The following SLC4A5 variants were observed in gnomAD, a reference collection of about 807,000 sequenced individuals.
SLC4A5 encodes the protein solute carrier family 4 member 5.
SLC4A5 carries 96 observed loss-of-function variants against 120.4 expected under a neutral mutation model. That is an observed-to-expected ratio of 0.80 (90% confidence interval 0.68 to 0.94). The LOEUF is 0.94. SLC4A5 is among the 40% of genes least tolerant of loss of function. SLC4A5 has a pLI of 0.00. For missense variants in SLC4A5, 1,259 were observed against 1,459.5 expected (o/e 0.86, Z 2.24); for synonymous variants, 550 against 571.1 (o/e 0.96, Z 0.53).
At position 74,255,904 on chromosome 2, in the gene SLC4A5, G is replaced by A. The variant is rs778599417; in HGVS notation, c.896C>T (p.Pro299Leu). ...CACGTTGGACGCTTCTGAGTCCTTG[G>A]GGATCTTCTTCATGAATTTGTTTTT... is the stretch of plus-strand genomic sequence containing the variant. Residue 299 changes from proline (P) to leucine (L), a missense_variant, in exon 13 of 31, where the codon CCC becomes CTC. Coordinates refer to ENST00000394019, the Ensembl canonical transcript of SLC4A5. The surrounding 1 kb of genome is among the most constrained non-coding windows in gnomAD (Gnocchi z 4.0). The A allele has an allele frequency of 1.2e-6, 2 of 1,613,910 alleles. No individual in the cohort carries two copies. Among genetic ancestry groups the A allele is most frequent in the East Asian group, 2.2e-5 (1 of 44,864 alleles).
chr2:74,337,900 C>T (rs1673534778), intron 3 of SLC4A5, among the ~76,000 whole-genome samples: 2 of 152,078 alleles, frequency 1.3e-5, no homozygotes, highest in South Asian at 4.1e-4. Flanking sequence ...GAGAGTGATC[C>T]CATGGGTGGG....
At position 74,328,115 on chromosome 2, in the gene SLC4A5, C is replaced by T. The variant is rs187978765; in HGVS notation, c.-3+5G>A. Reference sequence around the variant, plus strand: ...TTTCTCTGAAGCTTCCAGCTGCAAACTTACCTTTGTGTTCTTAGCTCTGGA... The same window carrying T: ...TTTCTCTGAAGCTTCCAGCTGCAAATTTACCTTTGTGTTCTTAGCTCTGGA... On this transcript the variant is annotated splice_donor_5th_base_variant and intron_variant, in intron 5 of 30. Coordinates refer to ENST00000394019, the Ensembl canonical transcript of SLC4A5. 282 of 985,882 alleles carry T rather than the reference C, an allele frequency of 2.9e-4. 5 individuals carry two copies. In the East Asian group the frequency reaches 0.021, roughly 74 times the overall value. 61.1% of individuals were successfully genotyped at this position (985,882 alleles called of 1,614,324 possible).
intron 10 of SLC4A5, among the ~76,000 whole-genome samples, chr2:74,263,315 A>G (rs1375428306): frequency 1.3e-5 from 2 of 152,158 alleles, no homozygotes; most frequent in Non-Finnish European, 2.9e-5. Flanking sequence ...CAAACTCCTG[A>G]GCTCAAGCAA....
chr2:74,330,647 A>G (rs145335766), intron 4 of SLC4A5, among the ~76,000 whole-genome samples: 85 of 112,658 alleles, frequency 7.5e-4, no homozygotes, highest in East Asian at 7.0e-3. Context: ...GGTGAGGTCT[A>G]GATGGGGGTG....
chr2:74,312,212 T>C (rs1230437719), intron 6 of SLC4A5, among the ~76,000 whole-genome samples: 2 of 151,988 alleles, frequency 1.3e-5, no homozygotes, highest in Non-Finnish European at 2.9e-5. Context: ...TCTATACCTA[T>C]CTATCTATAT....
intron 25 of SLC4A5, among the ~76,000 whole-genome samples, chr2:74,230,249 A>C (rs1162034807): frequency 6.6e-6 from 1 of 152,198 alleles, no homozygotes; most frequent in African/African-American, 2.4e-5. Context: ...GCACTGATCA[A>C]GGGAAAGGGA....
intron 9 of SLC4A5, 121 bp downstream of exon 9, chr2:74,264,983 C>T (rs1671257559): frequency 8.6e-7 from 1 of 1,161,616 alleles, no homozygotes. Flanking sequence ...AAGCTGGTCT[C>T]TGCAGAATCA....
chr2:74,288,274 T>C (rs1441573839), intron 7 of SLC4A5, among the ~76,000 whole-genome samples: 1 of 152,152 alleles, frequency 6.6e-6, no homozygotes, highest in Non-Finnish European at 1.5e-5. Flanking sequence ...ATATGCTTTT[T>C]AGTTTGCCAC....
intron 30 of SLC4A5, among the ~76,000 whole-genome samples, chr2:74,220,558 C>G (rs1364260548): frequency 3.3e-5 from 5 of 152,098 alleles, no homozygotes; most frequent in Admixed American, 3.3e-4. Flanking sequence ...GCTCTGTTGC[C>G]CAGGCTGGAG....
chr2:74,239,622 G>A, intron 20 of SLC4A5, 87 bp from the exon 21 acceptor site: 1 of 1,361,168 alleles, frequency 7.3e-7, no homozygotes. Context: ...CAGGCAGCCA[G>A]CATACCTTCC....
At chr2:74,265,407 C>T (rs1558885678) in intron 8 of SLC4A5, 143 bp from the exon 9 acceptor site, 4 of 951,324 alleles carry the variant, frequency 4.2e-6, no homozygotes, top group South Asian at 1.8e-5. Context: ...GGCAGAGGAT[C>T]TCTTGGGGAT....
intron 5 of SLC4A5, among the ~76,000 whole-genome samples, chr2:74,320,035 C>A (rs1299921930): frequency 6.6e-6 from 1 of 151,982 alleles, no homozygotes; most frequent in Admixed American, 6.6e-5. Context: ...ATTAAAAATA[C>A]CTTAGAAGAA....
chr2:74,281,121 T>G (rs1342537671), intron 8 of SLC4A5, among the ~76,000 whole-genome samples: 2 of 152,194 alleles, frequency 1.3e-5, no homozygotes, highest in Non-Finnish European at 2.9e-5. Flanking sequence ...CTGATCTGGT[T>G]TGACCCAACA....
intron 14 of SLC4A5, 94 bp from the exon 15 acceptor site, chr2:74,253,222 G>A: frequency 1.4e-6 from 2 of 1,422,158 alleles, no homozygotes; most frequent in Non-Finnish European, 1.9e-6. Flanking sequence ...GAATCCCTTT[G>A]AACCACATCT....
At chr2:74,250,676 A>G in intron 16 of SLC4A5, 159 bp from the exon 17 acceptor site, 1 of 828,894 alleles carries the variant, frequency 1.2e-6, no homozygotes, top group Non-Finnish European at 1.9e-6. Flanking sequence ...GCCAGGGATG[A>G]ATTCCTGTAG....
chr2:74,241,628 G>A (rs1670450014), intron 20 of SLC4A5, among the ~76,000 whole-genome samples: 1 of 151,486 alleles, frequency 6.6e-6, no homozygotes, highest in South Asian at 2.1e-4. Flanking sequence ...TGTAATCCCA[G>A]CTACTCAGGA....
intron 7 of SLC4A5, among the ~76,000 whole-genome samples, chr2:74,303,016 CTGTGTGTGTGTGTGTGTG>C (rs10601390): frequency 2.6e-4 from 38 of 145,052 alleles, no homozygotes; most frequent in African/African-American, 8.3e-4. Context: ...CTGAGCAGGA[CTGTGTGTGTGTGTGTGTG>C]TGTGTGTGTG....
At chr2:74,319,142 A>C (rs1489122216) in intron 5 of SLC4A5, among the ~76,000 whole-genome samples, 4 of 152,196 alleles carry the variant, frequency 2.6e-5, no homozygotes. Flanking sequence ...GTTCTCACTT[A>C]TAAGTGGGAG....
chr2:74,256,195 C>T (rs1438552024), intron 12 of SLC4A5, among the ~76,000 whole-genome samples: 3 of 152,294 alleles, frequency 2.0e-5, no homozygotes, highest in South Asian at 2.1e-4. Context: ...CGGATGAAAA[C>T]GGCTCCACTG....
Sources: allele counts gnomAD v4.1 joint callset (sites outside exome capture counted in the v4.1 genomes callset), GRCh38; gene constraint gnomAD v4.1.1; non-coding constraint Gnocchi (gnomAD v3.1); transcripts MANE v1.5; gene names NCBI Gene and HGNC (gene_info 2026-07-23, HGNC 2026-07-21).